The following IL7R variants were observed in gnomAD, a reference collection of about 807,000 sequenced individuals.
IL7R encodes the protein interleukin-7 receptor subunit alpha.
IL7R carries 38 observed loss-of-function variants against 47.0 expected under a neutral mutation model. The ratio of observed to expected loss-of-function variants is 0.81; its 90% confidence interval spans 0.62 to 1.06. The LOEUF (loss-of-function observed/expected upper bound fraction) is 1.06. Ranked by LOEUF, IL7R falls within the 50% of genes least tolerant of loss-of-function variation. IL7R has a pLI of 0.00. For synonymous variants in IL7R, 221 were observed against 199.8 expected (o/e 1.11, Z -0.89); for missense variants, 633 against 534.8 (o/e 1.18, Z -1.81).
rs370396298 is a variant in IL7R, at chr5:35,876,275, G to T, written c.1169G>T (p.Cys390Phe). 1.2e-6 allele frequency: 2 copies of T among 1,614,048 alleles called. No individual in the cohort carries two copies. Among genetic ancestry groups the T allele is most frequent in the Non-Finnish European group, 8.5e-7 (1 of 1,179,950 alleles). ...CTCTCCTCTTCCAGGTCCCTAGACT[G>T]CAGGGAGAGTGGCAAGAATGGGCCT... ...PILSSSRSLDCRESGKNGPHV... is the reference protein window; with the variant it reads ...PILSSSRSLDFRESGKNGPHV... The change falls in exon 8 of 8, where the codon TGC (cysteine) becomes TTC (phenylalanine). Residue 390 changes from cysteine to phenylalanine, a missense_variant. Cys to Phe is a radical substitution (Grantham distance 205, BLOSUM62 -2). Transcript: ENST00000303115.
Position 35,878,249 on chromosome 5 carries a change from A to G in IL7R, c.*1763A>G, listed in dbSNP as rs1431193074. On this transcript the variant is annotated 3_prime_UTR_variant, in exon 8 of 8. Transcript: ENST00000303115. ...ATGCCATAATCCCTTAGGTTTGCCT[A>G]GTGCTTTTGCAATTTTCAAAGCACT... The G allele has an allele frequency of 1.7e-5, 4 of 233,160 alleles. No homozygotes were observed. In the East Asian group the frequency reaches 1.8e-4, roughly 11 times the overall value. 14.4% of individuals were successfully genotyped at this position (233,160 alleles called of 1,614,324 possible). A position where few individuals can be genotyped will look rare whatever the true frequency, so the allele number is the denominator to read the frequency against.
intron 5 of IL7R, among the ~76,000 whole-genome samples, chr5:35,873,850 T>C (rs1760138517): frequency 6.6e-6 from 1 of 152,194 alleles, no homozygotes; most frequent in Non-Finnish European, 1.5e-5. Flanking sequence ...AGTGGGGTCC[T>C]TATTAGCTGA....
rs1050053161 is a variant in IL7R, at chr5:35,879,352, C to T, written c.*2866C>T. Reference sequence around the variant, plus strand: ...TAGCTCTTCTAGAGGGGCTAAGAGACTTGGTACGGGCCAGGAAGAATATGT... The same window carrying T: ...TAGCTCTTCTAGAGGGGCTAAGAGATTTGGTACGGGCCAGGAAGAATATGT... On this transcript the variant is annotated 3_prime_UTR_variant, in exon 8 of 8. Transcript: ENST00000303115. 4.3e-6 allele frequency: 1 copy of T among 232,630 alleles called. No individual in the cohort carries two copies. Among genetic ancestry groups the T allele is most frequent in the Admixed American group, 5.6e-5 (1 of 17,760 alleles). 14.4% of individuals were successfully genotyped at this position (232,630 alleles called of 1,614,324 possible).
chr5:35,877,421 T>C lies in IL7R; in HGVS notation c.*935T>C, dbSNP rs1417526049. 2 of 233,036 alleles carry C rather than the reference T, an allele frequency of 8.6e-6. No homozygotes were observed. Among genetic ancestry groups the C allele is most frequent in the African/African-American group, 2.2e-5 (1 of 45,318 alleles). 14.4% of individuals were successfully genotyped at this position (233,036 alleles called of 1,614,324 possible). A position where few individuals can be genotyped will look rare whatever the true frequency, so the allele number is the denominator to read the frequency against. ...CCATTTGGTTTCATTTTTCTGAAAA[T>C]AGGCTCAAGAGGGAATAAATTAGAA... On this transcript the variant is annotated 3_prime_UTR_variant, in exon 8 of 8. Coordinates refer to ENST00000303115, the MANE Select transcript of IL7R (RefSeq NM_002185.5).
intron 2 of IL7R, among the ~76,000 whole-genome samples, chr5:35,861,523 C>T (rs1489346871): frequency 1.3e-5 from 2 of 152,066 alleles, no homozygotes; most frequent in Admixed American, 6.6e-5. Context: ...TCCAAATAGT[C>T]GGCCAGTGAA....
At chr5:35,865,566 A>G (rs1004988520) in intron 2 of IL7R, among the ~76,000 whole-genome samples, 1 of 152,186 alleles carries the variant, frequency 6.6e-6, no homozygotes, top group Non-Finnish European at 1.5e-5. Context: ...ACTAGTTTAC[A>G]GTCCCACCAA....
intron 2 of IL7R, among the ~76,000 whole-genome samples, chr5:35,863,551 C>T (rs1029988121): frequency 6.6e-6 from 1 of 152,176 alleles, no homozygotes; most frequent in Admixed American, 6.5e-5. Context: ...TCCTAGAACA[C>T]ACTCCTTAGG....
At chr5:35,864,338 C>T (rs1468622224) in intron 2 of IL7R, among the ~76,000 whole-genome samples, 2 of 151,980 alleles carry the variant, frequency 1.3e-5, no homozygotes, top group African/African-American at 4.8e-5. Flanking sequence ...TGTTCACATT[C>T]TTGGACAAAT....
intron 4 of IL7R, 116 bp from the exon 5 acceptor site, chr5:35,873,364 G>A (rs1207628315): frequency 5.6e-6 from 5 of 885,170 alleles, no homozygotes; most frequent in Admixed American, 3.9e-5. Flanking sequence ...TAACAAATAC[G>A]AGACAACTTC....
chr5:35,876,662 T>G lies in IL7R; in HGVS notation c.*176T>G. ...CCACTCTTCCTGAGTTCAGTGGCAC[T>G]CAACATGAGTCAAGAGCATCCTGCT... On this transcript the variant is annotated 3_prime_UTR_variant, in exon 8 of 8. Coordinates refer to ENST00000303115, the MANE Select transcript of IL7R (RefSeq NM_002185.5). The G allele has an allele frequency of 1.5e-6, 1 of 684,908 alleles. No individual in the cohort carries two copies. The highest frequency in any genetic ancestry group is 2.6e-6 in the Non-Finnish European group (1 of 391,760). 42.4% of individuals were successfully genotyped at this position (684,908 alleles called of 1,614,324 possible).
Position 35,873,480 on chromosome 5 carries a change from C to A in IL7R, c.538C>A (p.His180Asn). 6.2e-7 allele frequency: 1 copy of A among 1,613,398 alleles called. No homozygotes were observed. Among genetic ancestry groups the A allele is most frequent in the South Asian group, 1.1e-5 (1 of 91,068 alleles). ...AATGTAACTGCACTCTACTCTCTAGCATGTGAATTTATCCAGCACAAAGCT... is the reference window on the plus strand; with the variant it reads ...AATGTAACTGCACTCTACTCTCTAGAATGTGAATTTATCCAGCACAAAGCT... The part of the protein sequence containing the change: ...RQEKDENKWT[H>N]VNLSSTKLTL... Residue 180 changes from histidine (H) to asparagine (N), a missense_variant and splice_region_variant, in exon 5 of 8, where the codon CAT becomes AAT. Transcript: ENST00000303115.
chr5:35,860,771 C>T lies in IL7R; in HGVS notation c.83-81C>T, dbSNP rs148287783. ...TATTTCATGTCTGCCACAGAGTCTG[C>T]TATTTTATTAAGGTCATGCCATATT... On this transcript the variant is annotated intron_variant, in intron 1 of 7. Transcript: ENST00000303115. 2.5e-3 allele frequency: 3,422 copies of T among 1,346,518 alleles called. 9 individuals are homozygous for T. The highest frequency in any genetic ancestry group is 3.4e-3 in the Middle Eastern group (17 of 4,974). 83.4% of individuals were successfully genotyped at this position (1,346,518 alleles called of 1,614,324 possible).
chr5:35,876,429 G>A lies in IL7R; in HGVS notation c.1323G>A (p.Leu441=), dbSNP rs762754248. Residue 441 remains leucine, a synonymous_variant, in exon 8 of 8, where the codon CTG becomes CTA. Transcript: ENST00000303115. ...VAQGQPILTS[L]GSNQEEAYVT... ...AGGGTCAGCCCATTCTTACTTCCCT[G>A]GGATCAAATCAAGAAGAAGCATATG... The A allele has an allele frequency of 6.2e-7, 1 of 1,610,362 alleles. No homozygotes were observed. Among genetic ancestry groups the A allele is most frequent in the South Asian group, 1.1e-5 (1 of 91,070 alleles).
At chr5:35,874,077 A>C (rs547944417) in intron 5 of IL7R, among the ~76,000 whole-genome samples, 2 of 152,116 alleles carry the variant, frequency 1.3e-5, no homozygotes, top group African/African-American at 4.8e-5. Flanking sequence ...TTGGGACTGG[A>C]ACTGAGAATG....
intron 1 of IL7R, among the ~76,000 whole-genome samples, chr5:35,859,800 C>T (rs1178356561): frequency 6.6e-6 from 1 of 152,074 alleles, no homozygotes; most frequent in East Asian, 1.9e-4. Flanking sequence ...AGTGTAAAGC[C>T]TTGGAAGCAT....
intron 2 of IL7R, among the ~76,000 whole-genome samples, chr5:35,865,391 G>T (rs1378306273): frequency 6.6e-6 from 1 of 152,122 alleles, no homozygotes; most frequent in African/African-American, 2.4e-5. Flanking sequence ...CCAAGTCTTT[G>T]CTATTGTGAA....
At chr5:35,863,405 G>T (rs1045479038) in intron 2 of IL7R, among the ~76,000 whole-genome samples, 6 of 152,066 alleles carry the variant, frequency 3.9e-5, no homozygotes, top group Non-Finnish European at 7.4e-5. Flanking sequence ...CAGACAAACA[G>T]GTTCCTCTTT....
In IL7R at chr5:35,878,477, G is replaced by A. The variant is rs1760269345; in HGVS notation, c.*1991G>A. ...ATGCTATAAAAGAGCCATATTGAAAGTGCCCTGTTGGAGACAGGGCAAATG... is the reference window on the plus strand; with the variant it reads ...ATGCTATAAAAGAGCCATATTGAAAATGCCCTGTTGGAGACAGGGCAAATG... On this transcript the variant is annotated 3_prime_UTR_variant, in exon 8 of 8. Coordinates refer to ENST00000303115, the MANE Select transcript of IL7R (RefSeq NM_002185.5). 1 of 232,788 alleles carries A rather than the reference G, an allele frequency of 4.3e-6. No homozygotes were observed. Among genetic ancestry groups the A allele is most frequent in the African/African-American group, 2.2e-5 (1 of 45,294 alleles). The allele number at this position is 232,788 out of a possible 1,614,324, so 14.4% of individuals were successfully genotyped here.
chr5:35,875,084 A>G (rs1760170419), intron 6 of IL7R, among the ~76,000 whole-genome samples: 1 of 152,206 alleles, frequency 6.6e-6, no homozygotes, highest in South Asian at 2.1e-4. Context: ...TAATTTGAAA[A>G]TATTCCCCCA....
Sources: allele counts gnomAD v4.1 joint callset (sites outside exome capture counted in the v4.1 genomes callset), GRCh38; gene constraint gnomAD v4.1.1; transcripts MANE v1.5; gene names NCBI Gene and HGNC (gene_info 2026-07-23, HGNC 2026-07-21).